The following GRM7 variants were observed in gnomAD, a reference collection of about 807,000 sequenced individuals.
GRM7 encodes the protein glutamate metabotropic receptor 7.
GRM7 carries 35 observed loss-of-function variants against 84.5 expected under a neutral mutation model. The observed-to-expected ratio is 0.41, with a 90% CI of 0.32 to 0.55. The LOEUF (loss-of-function observed/expected upper bound fraction) is 0.55. GRM7 is among the 20% of genes least tolerant of loss of function. The pLI, the probability that GRM7 is intolerant of heterozygous loss-of-function variation, is 0.19. For missense variants in GRM7, 1,003 were observed against 1,194.6 expected (o/e 0.84, Z 2.36); for synonymous variants, 487 against 455.1 (o/e 1.07, Z -0.89).
intron 1 of GRM7, among the ~76,000 whole-genome samples, chr3:7,018,492 C>T (rs1351356367): frequency 1.3e-5 from 2 of 152,258 alleles, no homozygotes; most frequent in African/African-American, 2.4e-5. Context: ...AAGGTGGCCC[C>T]ATGGCCCTAA....
At chr3:6,902,909 G>A (rs1357127986) in intron 1 of GRM7, among the ~76,000 whole-genome samples, 1 of 151,160 alleles carries the variant, frequency 6.6e-6, no homozygotes, top group Non-Finnish European at 1.5e-5. Flanking sequence ...GGAATTTTAA[G>A]GGTTAGAACT....
At chr3:7,050,467 T>C (rs1487345896) in intron 1 of GRM7, among the ~76,000 whole-genome samples, 1 of 151,896 alleles carries the variant, frequency 6.6e-6, no homozygotes, top group Non-Finnish European at 1.5e-5. Flanking sequence ...TCTAAACACA[T>C]GTTATATCCA....
chr3:6,865,974 G>A (rs1235916494), intron 1 of GRM7, among the ~76,000 whole-genome samples: 2 of 152,164 alleles, frequency 1.3e-5, no homozygotes, highest in Non-Finnish European at 2.9e-5. Flanking sequence ...CAGATGGTGA[G>A]TGGGAAATTT....
chr3:7,003,560 G>T (rs1053020436), intron 1 of GRM7, among the ~76,000 whole-genome samples: 2 of 152,098 alleles, frequency 1.3e-5, no homozygotes, highest in African/African-American at 4.8e-5. Context: ...TATGACTTTT[G>T]CCCACTGTAA....
chr3:7,196,147 A>G (rs1695871348), intron 2 of GRM7, among the ~76,000 whole-genome samples: 1 of 152,038 alleles, frequency 6.6e-6, no homozygotes, highest in Non-Finnish European at 1.5e-5. Context: ...TTATAGATCC[A>G]GGAAAAGGCT....
intron 1 of GRM7, among the ~76,000 whole-genome samples, chr3:6,927,745 A>G (rs916154177): frequency 2.0e-5 from 3 of 152,190 alleles, no homozygotes; most frequent in Non-Finnish European, 4.4e-5. Flanking sequence ...TACATTTTCA[A>G]TTAACATCAT....
chr3:7,193,665 C>CCTCT (rs139151825), intron 2 of GRM7, among the ~76,000 whole-genome samples: 34 of 150,054 alleles, frequency 2.3e-4, no homozygotes, highest in African/African-American at 2.4e-4. Flanking sequence ...ATTTCTCTTT[C>CCTCT]CTCTCTCTCT....
At position 7,579,239 on chromosome 3, in the gene GRM7, G is replaced by A. The variant is rs776445430; in HGVS notation, c.2333G>A (p.Arg778Gln). The change falls in exon 8 of 10, where the codon CGG becomes CAG. Residue 778 changes from arginine to glutamine, a missense_variant. Coordinates refer to ENST00000357716, the MANE Select transcript of GRM7 (RefSeq NM_000844.4). ...TGTACTGTGTATGCCATCAAGACTC[G>A]GGGTGTACCCGAGAATTTTAACGAA... Reference protein sequence around the residue: ...VTCTVYAIKTRGVPENFNEAK... With the variant: ...VTCTVYAIKTQGVPENFNEAK... The A allele has an allele frequency of 6.2e-6, 10 of 1,613,384 alleles. No homozygotes were observed. The highest frequency in any genetic ancestry group is 2.2e-5 in the East Asian group (1 of 44,878).
intron 9 of GRM7, among the ~76,000 whole-genome samples, chr3:7,689,816 T>C (rs868696777): frequency 1.3e-5 from 2 of 152,238 alleles, no homozygotes; most frequent in Middle Eastern, 6.8e-3. Flanking sequence ...CAAAGAAATA[T>C]TTGCCAAGCA....
At chr3:7,127,188 A>C (rs1004941711) in intron 1 of GRM7, among the ~76,000 whole-genome samples, 1 of 152,216 alleles carries the variant, frequency 6.6e-6, no homozygotes, top group Non-Finnish European at 1.5e-5. Context: ...TTCCATTCAC[A>C]GTTCTAGACA....
chr3:7,127,051 C>T (rs1693426322), intron 1 of GRM7, among the ~76,000 whole-genome samples: 1 of 152,232 alleles, frequency 6.6e-6, no homozygotes, highest in African/African-American at 2.4e-5. Context: ...TAGCTGAAAA[C>T]ATCCCCAAAC....
intron 2 of GRM7, among the ~76,000 whole-genome samples, chr3:7,265,544 G>T (rs752246186): frequency 7.9e-5 from 12 of 152,156 alleles, no homozygotes; most frequent in Non-Finnish European, 1.6e-4. Flanking sequence ...AGAGGTGTTT[G>T]GTCCCAAGAG....
intron 9 of GRM7, among the ~76,000 whole-genome samples, chr3:7,735,466 TTC>T (rs1337473428): frequency 7.3e-6 from 1 of 136,954 alleles, no homozygotes; most frequent in Non-Finnish European, 1.6e-5. Context: ...TGGTCTCTAT[TTC>T]TTTTTTGATT....
chr3:7,118,197 G>C (rs1252564960), intron 1 of GRM7, among the ~76,000 whole-genome samples: 1 of 151,966 alleles, frequency 6.6e-6, no homozygotes, highest in Non-Finnish European at 1.5e-5. Context: ...ACCAGCCTGG[G>C]TATCATAGTG....
intron 7 of GRM7, among the ~76,000 whole-genome samples, chr3:7,462,664 G>A (rs1698298610): frequency 6.6e-6 from 1 of 152,158 alleles, no homozygotes; most frequent in Non-Finnish European, 1.5e-5. Context: ...TGGTTTCTAT[G>A]AAGAAAGGGT....
chr3:7,409,839 A>C (rs1344929154), intron 4 of GRM7, among the ~76,000 whole-genome samples: 1 of 152,044 alleles, frequency 6.6e-6, no homozygotes, highest in African/African-American at 2.4e-5. Context: ...TGACCTTGTG[A>C]TCTGCCCACC....
intron 2 of GRM7, among the ~76,000 whole-genome samples, chr3:7,181,563 A>T (rs1046649847): frequency 2.0e-5 from 3 of 152,132 alleles, no homozygotes; most frequent in Non-Finnish European, 2.9e-5. Context: ...TCCAGCTTTC[A>T]AAATAATATT....
chr3:7,591,525 C>G, intron 8 of GRM7: 1 of 424,718 alleles, frequency 2.4e-6, no homozygotes, highest in Non-Finnish European at 4.6e-6. Flanking sequence ...AGTTCCATTT[C>G]TAGGATTTTT....
chr3:7,174,448 C>T (rs942422591), intron 2 of GRM7, among the ~76,000 whole-genome samples: 1 of 152,180 alleles, frequency 6.6e-6, no homozygotes, highest in Non-Finnish European at 1.5e-5. Context: ...AATCCCAGCT[C>T]TCATCTTTAA....
Sources: gnomAD v4.1 joint callset for allele counts (sites outside exome capture counted in the v4.1 genomes callset) on GRCh38, gnomAD v4.1.1 for gene constraint, MANE v1.5 for transcripts, NCBI Gene and HGNC (gene_info 2026-07-23, HGNC 2026-07-21) for gene names.